The following RGS5 variants were observed in gnomAD, a reference collection of about 807,000 sequenced individuals.
RGS5 encodes regulator of G protein signaling 5, also known as regulator of G-protein signalling 5.
A neutral mutation model predicts 18.9 loss-of-function variants in RGS5; 20 were observed. That is an observed-to-expected ratio of 1.06 (90% CI 0.74 to 1.54). RGS5 has a LOEUF of 1.54. Among genes scored for constraint, RGS5 ranks in the 40% most tolerant of loss-of-function variants. The pLI, the probability that RGS5 is intolerant of heterozygous loss-of-function variation, is 0.00. For synonymous variants in RGS5, 57 were observed against 76.2 expected (o/e 0.75, Z 1.31); for missense variants, 201 against 211.8 (o/e 0.95, Z 0.32).
intron 2 of RGS5, among the ~76,000 whole-genome samples, chr1:163,163,651 C>T (rs1657908243): frequency 6.6e-6 from 1 of 152,132 alleles, no homozygotes; most frequent in Admixed American, 6.5e-5. Context: ...TTATTTCATG[C>T]CTACATGTTT....
intron 2 of RGS5, chr1:163,266,474 T>C (rs938379020): frequency 3.9e-5 from 6 of 152,150 alleles, no homozygotes; most frequent in Non-Finnish European, 7.4e-5. Flanking sequence ...CTACATTTTA[T>C]AGATAAAGTT....
chr1:163,296,505 C>G (rs1003165218), intron 2 of RGS5, among the ~76,000 whole-genome samples: 2 of 152,144 alleles, frequency 1.3e-5, no homozygotes, highest in African/African-American at 4.8e-5. Flanking sequence ...TAAATCATAA[C>G]AGCTCATGTA....
In RGS5 at chr1:163,262,899, T is replaced by C. The variant is rs1396005803; in HGVS notation, c.-281+43334A>G. 7.2e-5 allele frequency among the ~76,000 whole-genome samples: 11 copies of C among 152,306 alleles called. No homozygotes were observed. The South Asian group carries it at 1.4e-3, about 20-fold the overall frequency. On this transcript the variant is annotated intron_variant, in intron 2 of 5. Coordinates refer to the RGS5 transcript ENST00000618415. ...TTCTTTCTGACCCTAGGGATCTCCA[T>C]GGGCTGGCGATTCCTGCATCTATTT...
intron 1 of RGS5, among the ~76,000 whole-genome samples, chr1:163,208,404 G>GGCAT (rs1660006534): frequency 7.1e-6 from 1 of 141,452 alleles, no homozygotes; most frequent in Admixed American, 7.2e-5. Context: ...AAGTTAGCCA[G>GGCAT]GCATGCAGTA....
rs770193573 is a variant in RGS5 at position 163,213,344 on chromosome 1, T to C, written c.69+4182A>G. Among the ~76,000 whole-genome samples, 4 of 152,358 alleles carry C rather than the reference T, an allele frequency of 2.6e-5. No homozygotes were observed. The South Asian group carries it at 6.2e-4, about 24-fold the overall frequency. ...TAAGATTAGCCATGTCACATGGTTT[T>C]AGTTAATGTGGTGTAAACACAAAAT... On this transcript the variant is annotated intron_variant, in intron 1 of 5. Coordinates refer to the RGS5 transcript ENST00000367903.
intron 2 of RGS5, among the ~76,000 whole-genome samples, chr1:163,257,406 C>T (rs944865821): frequency 8.6e-5 from 13 of 151,930 alleles, no homozygotes; most frequent in Non-Finnish European, 1.8e-4. Context: ...TCTAACATCA[C>T]CAGTTTTGTT....
At chr1:163,302,911 T>A (rs111237501) in intron 2 of RGS5, among the ~76,000 whole-genome samples, 4 of 152,186 alleles carry the variant, frequency 2.6e-5, no homozygotes, top group Non-Finnish European at 5.9e-5. Flanking sequence ...TCTTAGTATA[T>A]TTCTCATGAA....
chr1:163,318,766 C>T (rs1055427534), intron 1 of RGS5: 7 of 151,842 alleles, frequency 4.6e-5, no homozygotes, highest in African/African-American at 1.7e-4. Context: ...TCAATGATAC[C>T]AAATGCAAAA....
Position 163,179,742 on chromosome 1 carries a change from C to T in RGS5, c.45-11374G>A, listed in dbSNP as rs530079882. Among the ~76,000 whole-genome samples the T allele has an allele frequency of 9.2e-5, 14 of 152,260 alleles. No individual in the cohort carries two copies. The South Asian group carries it at 2.3e-3, about 25-fold the overall frequency. ...AGTTTAGTGAGAAAACCTCTAATAG[C>T]TCCTCCAGCTATAAAAAATTAAGAT... is the stretch of plus-strand genomic sequence containing the variant. On this transcript the variant is annotated intron_variant, in intron 1 of 4. Coordinates refer to ENST00000313961, the MANE Select transcript of RGS5 (RefSeq NM_003617.4).
At chr1:163,183,859 C>T (rs533639862) in intron 1 of RGS5, among the ~76,000 whole-genome samples, 1 of 152,278 alleles carries the variant, frequency 6.6e-6, no homozygotes, top group South Asian at 2.1e-4. Flanking sequence ...CTGTCTTTCT[C>T]CCGTCTCTCC....
chr1:163,256,173 C>T (rs1000008497), intron 2 of RGS5, among the ~76,000 whole-genome samples: 2 of 152,072 alleles, frequency 1.3e-5, no homozygotes, highest in Admixed American at 1.3e-4. Flanking sequence ...GTCAAATTGT[C>T]CCTGTTTGCA....
chr1:163,217,550 C>T (rs1660245636), exon 1 of RGS5: 2 of 1,545,914 alleles, frequency 1.3e-6, no homozygotes, highest in African/African-American at 2.7e-5. Flanking sequence ...GAGCACTGTG[C>T]ATCTGTAAGA....
chr1:163,253,561 C>T (rs1024653897), intron 2 of RGS5, among the ~76,000 whole-genome samples: 4 of 151,746 alleles, frequency 2.6e-5, no homozygotes, highest in South Asian at 2.1e-4. Context: ...CCACCCACCT[C>T]GGCCTGCCAA....
At chr1:163,312,053 C>T (rs552635777) in intron 1 of RGS5, among the ~76,000 whole-genome samples, 12 of 152,158 alleles carry the variant, frequency 7.9e-5, no homozygotes, top group African/African-American at 2.9e-4. Flanking sequence ...AACTGTAATC[C>T]CCGGGTGTTG....
At chr1:163,301,230 CATCA>C in intron 2 of RGS5, among the ~76,000 whole-genome samples, 1 of 152,144 alleles carries the variant, frequency 6.6e-6, no homozygotes, top group East Asian at 1.9e-4. Flanking sequence ...ACAAATTTAT[CATCA>C]ATCATTGTGG....
chr1:163,293,741 C>T (rs183919897), intron 2 of RGS5, among the ~76,000 whole-genome samples: 13 of 152,152 alleles, frequency 8.5e-5, no homozygotes, highest in African/African-American at 2.7e-4. Flanking sequence ...CAACTACGAG[C>T]CTGTAAAATC....
chr1:163,288,353 T>C (rs1428844119), intron 2 of RGS5, among the ~76,000 whole-genome samples: 1 of 152,206 alleles, frequency 6.6e-6, no homozygotes, highest in Non-Finnish European at 1.5e-5. Context: ...GAAAGAGCTC[T>C]GGATTGGGAG....
chr1:163,301,117 G>A (rs1257602699), intron 2 of RGS5, among the ~76,000 whole-genome samples: 1 of 152,114 alleles, frequency 6.6e-6, no homozygotes, highest in Non-Finnish European at 1.5e-5. Flanking sequence ...AAATAGGGAG[G>A]CATTATCTAT....
intron 2 of RGS5, among the ~76,000 whole-genome samples, chr1:163,239,903 T>G (rs1200439684): frequency 6.6e-6 from 1 of 152,228 alleles, no homozygotes; most frequent in East Asian, 1.9e-4. Context: ...GCAAAAACGT[T>G]TATTAATTTC....
Sources: gnomAD v4.1 joint callset for allele counts (sites outside exome capture counted in the v4.1 genomes callset) on GRCh38, gnomAD v4.1.1 for gene constraint, MANE v1.5 for transcripts, NCBI Gene and HGNC (gene_info 2026-07-23, HGNC 2026-07-21) for gene names.